The following TNKS variants were observed in gnomAD, a reference collection of about 807,000 sequenced individuals.
TNKS encodes poly [ADP-ribose] polymerase tankyrase-1.
TNKS carries 72 observed loss-of-function variants against 135.8 expected under a neutral mutation model. The ratio of observed to expected loss-of-function variants is 0.53; its 90% CI spans 0.44 to 0.64. TNKS has a LOEUF of 0.64. TNKS is among the 30% of genes least tolerant of loss of function. The pLI is 0.00. For synonymous variants in TNKS, 849 were observed against 649.3 expected, an observed-to-expected ratio of 1.31 and a Z score of -4.68; for missense variants, 1,769 against 1,674.0, an observed-to-expected ratio of 1.06 and a Z score of -0.99.
chr8:9,621,629 T>C (rs968542922), intron 3 of TNKS, among the ~76,000 whole-genome samples: 11 of 152,168 alleles, frequency 7.2e-5, no homozygotes, highest in African/African-American at 2.4e-4. Flanking sequence ...GTTAGTTTGC[T>C]GTTTTGCACG....
chr8:9,671,591 G>C (rs77976610), intron 3 of TNKS, among the ~76,000 whole-genome samples: 1,873 of 152,272 alleles, frequency 0.012, 39 homozygotes, highest in African/African-American at 0.042. Context: ...GGTTACCATG[G>C]AGGGAGGGGG....
intron 3 of TNKS, among the ~76,000 whole-genome samples, chr8:9,675,595 A>T (rs1018338113): frequency 6.6e-6 from 1 of 152,230 alleles, no homozygotes; most frequent in Non-Finnish European, 1.5e-5. Context: ...TAAATGCTTT[A>T]AAGTAGTTTT....
intron 21 of TNKS, among the ~76,000 whole-genome samples, 200 bp from the exon 22 acceptor site, chr8:9,762,944 ACAT>A (rs1462642881): frequency 2.6e-5 from 4 of 151,754 alleles, no homozygotes; most frequent in Admixed American, 6.6e-5. Flanking sequence ...CAGTCCCCAA[ACAT>A]CTTCATTTTT....
At chr8:9,645,457 C>T (rs57987233) in intron 3 of TNKS, among the ~76,000 whole-genome samples, 10,770 of 152,114 alleles carry the variant, frequency 0.071, 422 homozygotes, top group South Asian at 0.16. Flanking sequence ...ACAAACAGGA[C>T]GAACCTCAGA....
At chr8:9,566,720 T>C (rs1051304237) in intron 1 of TNKS, among the ~76,000 whole-genome samples, 1 of 149,340 alleles carries the variant, frequency 6.7e-6, no homozygotes, top group South Asian at 2.2e-4. Context: ...GCCATTCTCC[T>C]GCCTCAGCCT....
At chr8:9,623,711 A>T (rs916587207) in intron 3 of TNKS, among the ~76,000 whole-genome samples, 9 of 152,142 alleles carry the variant, frequency 5.9e-5, no homozygotes, top group African/African-American at 1.9e-4. Flanking sequence ...AATAGAAACT[A>T]ACTTTCTGGG....
rs553884358 is a variant in TNKS, at chr8:9,763,428, T to C, written c.3372+184T>C. Among the ~76,000 whole-genome samples, 7 of 152,308 alleles carry C rather than the reference T, an allele frequency of 4.6e-5. No individual in the cohort carries two copies. In the East Asian group the frequency reaches 1.4e-3, roughly 29 times the overall value. ...ACGGCGCCCCATGGTTTTCACATCA[T>C]AAGCCTAGGTTTTCTAATGCATGGG... On this transcript the variant is annotated intron_variant, in intron 22 of 26. Transcript: ENST00000310430.
At chr8:9,576,591 A>G (rs766501568) in intron 1 of TNKS, among the ~76,000 whole-genome samples, 3 of 151,336 alleles carry the variant, frequency 2.0e-5, no homozygotes, top group Admixed American at 1.3e-4. Flanking sequence ...AAATCTCCAG[A>G]TGTCATGAGA....
At chr8:9,620,601 C>G (rs1439595533) in intron 3 of TNKS, among the ~76,000 whole-genome samples, 1 of 152,174 alleles carries the variant, frequency 6.6e-6, no homozygotes, top group Non-Finnish European at 1.5e-5. Context: ...ATCTTGTCTT[C>G]TACTGTATTC....
At chr8:9,663,789 G>A (rs1305153436) in intron 3 of TNKS, among the ~76,000 whole-genome samples, 2 of 152,168 alleles carry the variant, frequency 1.3e-5, no homozygotes, top group Non-Finnish European at 2.9e-5. Flanking sequence ...AGATGAGGAG[G>A]TACATAGGGC....
intron 1 of TNKS, among the ~76,000 whole-genome samples, chr8:9,568,116 G>A (rs1797617838): frequency 6.6e-6 from 1 of 152,134 alleles, no homozygotes; most frequent in African/African-American, 2.4e-5. Flanking sequence ...TTTTGAGAGT[G>A]ACCTGTAGAC....
rs753530212 is a variant in TNKS at position 9,765,703 on chromosome 8, T to C, written c.3459T>C (p.Val1153=). 4 of 1,613,460 alleles carry C rather than the reference T, an allele frequency of 2.5e-6. No individual in the cohort carries two copies. Among genetic ancestry groups the C allele is most frequent in the South Asian group, 1.1e-5 (1 of 91,034 alleles). The change falls in exon 24 of 27, where the codon GTT becomes GTC. Residue 1153 remains valine, a synonymous_variant. Transcript: ENST00000310430. ...CTTCATCCTTAAAGATTCAAAAAGT[T>C]GTCAACAAGAAGTTGAGGGAGCGGT... The part of the protein sequence containing the change: ...NRYNVIRIQK[V]VNKKLRERFC...
At chr8:9,717,101 A>ATATATATAT in intron 11 of TNKS, among the ~76,000 whole-genome samples, 1 of 119,336 alleles carries the variant, frequency 8.4e-6, no homozygotes. Context: ...ATATATATAT[A>ATATATATAT]TTTTCAGGGA....
intron 3 of TNKS, among the ~76,000 whole-genome samples, chr8:9,661,584 C>G (rs1238762465): frequency 2.6e-5 from 4 of 152,112 alleles, no homozygotes; most frequent in African/African-American, 9.7e-5. Context: ...AAAATTAATT[C>G]AAGATGGATT....
At chr8:9,733,768 A>C (rs932124345) in intron 15 of TNKS, among the ~76,000 whole-genome samples, 3 of 152,210 alleles carry the variant, frequency 2.0e-5, no homozygotes, top group Admixed American at 6.5e-5. Flanking sequence ...CAAGCTTTTC[A>C]ATCAAGTTGG....
At chr8:9,675,311 C>T (rs548399253) in intron 3 of TNKS, among the ~76,000 whole-genome samples, 1 of 152,094 alleles carries the variant, frequency 6.6e-6, no homozygotes, top group Non-Finnish European at 1.5e-5. Flanking sequence ...TTTGCTGGTA[C>T]CTTGATGAGA....
intron 3 of TNKS, among the ~76,000 whole-genome samples, chr8:9,665,062 C>G (rs993321454): frequency 1.3e-5 from 2 of 152,192 alleles, no homozygotes; most frequent in African/African-American, 4.8e-5. Flanking sequence ...CAATGCTAAT[C>G]AAGACCTTTC....
At chr8:9,571,901 C>G (rs1257400217) in intron 1 of TNKS, among the ~76,000 whole-genome samples, 3 of 152,188 alleles carry the variant, frequency 2.0e-5, no homozygotes, top group African/African-American at 7.2e-5. Context: ...ACATTTATCC[C>G]TATCCTTTTG....
At chr8:9,761,413 T>C in intron 20 of TNKS, 103 bp from the exon 21 acceptor site, 1 of 1,235,002 alleles carries the variant, frequency 8.1e-7, no homozygotes, top group Non-Finnish European at 1.1e-6. Flanking sequence ...AAAAGAATTT[T>C]CTTAATTTGA....
Sources: gnomAD v4.1 joint callset for allele counts (sites outside exome capture counted in the v4.1 genomes callset) on GRCh38, gnomAD v4.1.1 for gene constraint, MANE v1.5 for transcripts, NCBI Gene and HGNC (gene_info 2026-07-23, HGNC 2026-07-21) for gene names.